The following CCNY variants were observed in gnomAD, a reference collection of about 807,000 sequenced individuals.
The protein encoded by CCNY is cyclin-Y.
CCNY carries 19 observed loss-of-function variants against 42.8 expected under a neutral mutation model. The ratio of observed to expected loss-of-function variants is 0.44; its 90% CI spans 0.31 to 0.65. The LOEUF (loss-of-function observed/expected upper bound fraction) is 0.65, where lower values mean the gene tolerates loss of function less well. Ranked by LOEUF, CCNY falls within the 30% of genes least tolerant of loss-of-function variation. The pLI is 0.07. For synonymous variants in CCNY, 165 were observed against 162.7 expected, an observed-to-expected ratio of 1.01 and a Z score of -0.11; for missense variants, 370 against 437.3, an observed-to-expected ratio of 0.85 and a Z score of 1.37.
chr10:35,334,322 A>ATC (rs1589040424), upstream of CCNY, among the ~76,000 whole-genome samples: 4 of 152,368 alleles, frequency 2.6e-5, no homozygotes, highest in East Asian at 7.7e-4. Flanking sequence ...TAGATATGCC[A>ATC]CACACCTATG....
chr10:35,570,527 G>GATATGAAATCTAAGTGACTCTTAA lies in CCNY; in HGVS notation c.*1371_*1372insTGACTCTTAAATATGAAATCTAAG, dbSNP rs1841665941. On this transcript the variant is annotated 3_prime_UTR_variant, in exon 10 of 10. Coordinates refer to ENST00000374704, the MANE Select transcript of CCNY (RefSeq NM_145012.6). Reference sequence around the variant, plus strand: ...TGATAGAATATCAAATAGTGAATTTGATATGAAATCTAAGAGTGTGAGTCA... The same window carrying GATATGAAATCTAAGTGACTCTTAA: ...TGATAGAATATCAAATAGTGAATTTGATATGAAATCTAAGTGACTCTTAAATATGAAATCTAAGAGTGTGAGTCA... 6.6e-6 allele frequency: 1 copy of GATATGAAATCTAAGTGACTCTTAA among 152,306 alleles called. No individual in the cohort carries two copies. The highest frequency in any genetic ancestry group is 1.5e-5 in the Non-Finnish European group (1 of 68,036). The allele number at this position is 152,306 out of a possible 1,614,324, so 9.4% of individuals were successfully genotyped here.
chr10:35,445,206 G>A (rs1455722055), intron 1 of CCNY, among the ~76,000 whole-genome samples: 2 of 152,186 alleles, frequency 1.3e-5, no homozygotes, highest in East Asian at 3.8e-4. Flanking sequence ...AATTAAAGGA[G>A]GAGATGAGTT....
chr10:35,567,370 C>G (rs1470075538), intron 9 of CCNY, among the ~76,000 whole-genome samples: 1 of 152,216 alleles, frequency 6.6e-6, no homozygotes, highest in African/African-American at 2.4e-5. Context: ...TCCCACTTGA[C>G]CTTTTGGCAG....
intron 3 of CCNY, among the ~76,000 whole-genome samples, chr10:35,306,937 T>C (rs1375187735): frequency 1.3e-5 from 2 of 151,072 alleles, no homozygotes; most frequent in Non-Finnish European, 2.9e-5. Context: ...CACGTGTAGC[T>C]GCAAAGATAA....
At chr10:35,424,986 C>G (rs771526240) in intron 1 of CCNY, among the ~76,000 whole-genome samples, 10 of 152,160 alleles carry the variant, frequency 6.6e-5, no homozygotes, top group Non-Finnish European at 1.3e-4. Context: ...GAACCTGCTC[C>G]CACCCCGGTA....
chr10:35,451,910 T>C (rs1459392055), intron 1 of CCNY, among the ~76,000 whole-genome samples: 1 of 152,232 alleles, frequency 6.6e-6, no homozygotes, highest in Non-Finnish European at 1.5e-5. Context: ...GGCAGTGACT[T>C]TGGGCCTGGC....
intron 1 of CCNY, among the ~76,000 whole-genome samples, chr10:35,344,845 G>A (rs1186255767): frequency 2.0e-5 from 3 of 152,016 alleles, no homozygotes; most frequent in East Asian, 1.9e-4. Flanking sequence ...TTGTCCGTGC[G>A]ATAGTTTGCT....
chr10:35,560,162 T>C (rs771549161), intron 8 of CCNY, among the ~76,000 whole-genome samples: 55 of 152,076 alleles, frequency 3.6e-4, no homozygotes, highest in Admixed American at 3.3e-3. Context: ...TTAGATAGGA[T>C]TTGGGACTTA....
At chr10:35,319,577 C>T (rs1196100412) in intron 3 of CCNY, among the ~76,000 whole-genome samples, 1 of 152,038 alleles carries the variant, frequency 6.6e-6, no homozygotes, top group East Asian at 1.9e-4. Flanking sequence ...CATAGTGATT[C>T]AAGAAACTAG....
intron 1 of CCNY, among the ~76,000 whole-genome samples, chr10:35,412,695 CAAA>C (rs397845404): frequency 7.9e-6 from 1 of 126,152 alleles, no homozygotes; most frequent in Non-Finnish European, 1.7e-5. Flanking sequence ...TACTAAAATA[CAAA>C]AAAAAAAAAA....
At chr10:35,402,621 G>A (rs908218620) in intron 1 of CCNY, among the ~76,000 whole-genome samples, 3 of 152,206 alleles carry the variant, frequency 2.0e-5, no homozygotes, top group Non-Finnish European at 4.4e-5. Context: ...GATTAGAAAC[G>A]TCTAGGAGAC....
At chr10:35,441,870 G>A (rs369839555) in intron 1 of CCNY, among the ~76,000 whole-genome samples, 14 of 152,228 alleles carry the variant, frequency 9.2e-5, no homozygotes, top group East Asian at 5.8e-4. Flanking sequence ...AGTTAATTAC[G>A]TATTAATTGT....
At chr10:35,419,354 AG>A (rs1188266410) in intron 1 of CCNY, among the ~76,000 whole-genome samples, 3 of 152,118 alleles carry the variant, frequency 2.0e-5, no homozygotes, top group African/African-American at 7.2e-5. Context: ...AATGGTATGA[AG>A]GAAGTGTTTT....
At chr10:35,493,530 G>C (rs751537716) in intron 2 of CCNY, among the ~76,000 whole-genome samples, 4 of 152,166 alleles carry the variant, frequency 2.6e-5, no homozygotes, top group Admixed American at 2.6e-4. Flanking sequence ...TGGCTGCCCC[G>C]TGACATCTAG....
intron 2 of CCNY, among the ~76,000 whole-genome samples, chr10:35,497,273 C>A (rs887796240): frequency 6.6e-6 from 1 of 152,146 alleles, no homozygotes; most frequent in Non-Finnish European, 1.5e-5. Flanking sequence ...ACTAAAACCA[C>A]CTATTAGAAA....
At chr10:35,265,555 G>C (rs1754132583) in intron 3 of CCNY, among the ~76,000 whole-genome samples, 1 of 152,214 alleles carries the variant, frequency 6.6e-6, no homozygotes, top group African/African-American at 2.4e-5. Flanking sequence ...TGTGCGCTAG[G>C]TCTTGACCGT....
intron 7 of CCNY, among the ~76,000 whole-genome samples, chr10:35,543,184 T>A (rs566503318): frequency 1.2e-4 from 19 of 152,090 alleles, no homozygotes; most frequent in African/African-American, 4.3e-4. Context: ...GTGTTGGGAG[T>A]CCCCAAGACC....
intron 1 of CCNY, among the ~76,000 whole-genome samples, chr10:35,373,993 G>C (rs1488935932): frequency 2.0e-5 from 3 of 152,012 alleles, no homozygotes; most frequent in Non-Finnish European, 4.4e-5. Context: ...GTATCATTTT[G>C]TACAGTTTTT....
intron 1 of CCNY, among the ~76,000 whole-genome samples, chr10:35,448,320 G>C (rs1453808994): frequency 6.6e-6 from 1 of 152,192 alleles, no homozygotes; most frequent in Non-Finnish European, 1.5e-5. Context: ...TGGGGACATG[G>C]GTAGGGCCGG....
Sources: gnomAD v4.1 joint callset for allele counts (sites outside exome capture counted in the v4.1 genomes callset) on GRCh38, gnomAD v4.1.1 for gene constraint, MANE v1.5 for transcripts, NCBI Gene and HGNC (gene_info 2026-07-23, HGNC 2026-07-21) for gene names.